KCNJ6: variants seen among roughly 807,000 people sequenced by gnomAD.
KCNJ6 encodes G protein-activated inward rectifier potassium channel 2.
In KCNJ6, 9 loss-of-function variants were observed where a neutral mutation model predicts 34.2. The observed-to-expected ratio is 0.26, with a 90% CI of 0.16 to 0.46. The LOEUF is 0.46. Among genes scored for constraint, KCNJ6 ranks in the 20% least tolerant of loss-of-function variants. The pLI, the probability that KCNJ6 is intolerant of heterozygous loss-of-function variation, is 1.00. For synonymous variants in KCNJ6, 196 were observed against 207.1 expected, an observed-to-expected ratio of 0.95 and a Z score of 0.46; for missense variants, 236 against 531.3, an observed-to-expected ratio of 0.44 and a Z score of 5.46.
At chr21:37,800,366 T>A (rs2055263295) in intron 2 of KCNJ6, among the ~76,000 whole-genome samples, 1 of 152,134 alleles carries the variant, frequency 6.6e-6, no homozygotes. Context: ...TGCTGGACAA[T>A]GAAAATGTCC....
At chr21:37,811,929 G>C (rs2055324752) in intron 2 of KCNJ6, among the ~76,000 whole-genome samples, 1 of 152,132 alleles carries the variant, frequency 6.6e-6, no homozygotes, top group Non-Finnish European at 1.5e-5. Context: ...AAAACATTTG[G>C]CAAACATAAA....
In KCNJ6 at chr21:37,914,008, G is replaced by GGGGTGT. The variant is rs760597650; in HGVS notation, c.-28+1875_-28+1876insACACCC. Among the ~76,000 whole-genome samples, 385 of 135,582 alleles carry GGGGTGT rather than the reference G, an allele frequency of 2.8e-3. 3 individuals are homozygous for GGGGTGT. The highest frequency in any genetic ancestry group is 0.022 in the East Asian group (90 of 4,116). The allele number at this position is 135,582 out of a possible 152,430, so 88.9% of individuals were successfully genotyped here. A position where few individuals can be genotyped will look rare whatever the true frequency, so the allele number is the denominator to read the frequency against. On this transcript the variant is annotated intron_variant, in intron 1 of 3. Transcript: ENST00000609713. ...GCAACCCTCGTCAGAGGCGGATCGG[G>GGGGTGT]GTGTGTGTGTGTGTGTGTGTGTGTG...
intron 1 of KCNJ6, among the ~76,000 whole-genome samples, chr21:37,893,241 G>T (rs1328436737): frequency 6.7e-6 from 1 of 149,790 alleles, no homozygotes; most frequent in Non-Finnish European, 1.5e-5. Flanking sequence ...GGAGTCTCAC[G>T]CCATCTCCCA....
intron 3 of KCNJ6, among the ~76,000 whole-genome samples, chr21:37,688,110 C>A (rs907819192): frequency 6.7e-6 from 1 of 149,848 alleles, no homozygotes; most frequent in Non-Finnish European, 1.5e-5. Flanking sequence ...AAGAGCTTGG[C>A]AGACAGGTGT....
chr21:37,798,878 A>C (rs1184611483), intron 2 of KCNJ6, among the ~76,000 whole-genome samples: 1 of 152,164 alleles, frequency 6.6e-6, no homozygotes, highest in Non-Finnish European at 1.5e-5. Flanking sequence ...GAATTGTACA[A>C]TTTAAATGGG....
chr21:37,867,241 T>A (rs527999911), intron 1 of KCNJ6, among the ~76,000 whole-genome samples: 5 of 152,328 alleles, frequency 3.3e-5, no homozygotes, highest in Non-Finnish European at 5.9e-5. Flanking sequence ...TATTTAAAAA[T>A]CATCCTTTAA....
intron 2 of KCNJ6, among the ~76,000 whole-genome samples, chr21:37,831,543 G>C: frequency 7.3e-6 from 1 of 136,834 alleles, no homozygotes; most frequent in East Asian, 2.7e-4. Flanking sequence ...GAGCAGACAG[G>C]GGTGGTGAAG....
At chr21:37,844,388 C>T (rs754918913) in intron 1 of KCNJ6, among the ~76,000 whole-genome samples, 3 of 152,044 alleles carry the variant, frequency 2.0e-5, no homozygotes, top group South Asian at 2.1e-4. Flanking sequence ...GGTCTTCCCT[C>T]GCTGCACTCT....
At chr21:37,897,204 C>T (rs985922423) in intron 1 of KCNJ6, among the ~76,000 whole-genome samples, 3 of 152,204 alleles carry the variant, frequency 2.0e-5, no homozygotes, top group Non-Finnish European at 4.4e-5. Context: ...AAAGAAGTCC[C>T]CTCTCCTATT....
intron 2 of KCNJ6, among the ~76,000 whole-genome samples, chr21:37,722,030 T>C (rs777993055): frequency 6.6e-6 from 1 of 152,170 alleles, no homozygotes; most frequent in Non-Finnish European, 1.5e-5. Flanking sequence ...GATAATATGA[T>C]TCTATACCTA....
intron 2 of KCNJ6, among the ~76,000 whole-genome samples, chr21:37,769,525 A>C (rs2835949): frequency 0.086 from 12,996 of 151,670 alleles, 629 homozygotes; most frequent in African/African-American, 0.13. Context: ...CTCTGGATGC[A>C]ACGGCTGCTA....
intron 1 of KCNJ6, among the ~76,000 whole-genome samples, chr21:37,909,741 A>C (rs1209268641): frequency 2.0e-5 from 3 of 152,054 alleles, no homozygotes; most frequent in African/African-American, 7.2e-5. Flanking sequence ...TGTTATTATT[A>C]CTCTTATTGT....
rs563621358 is a variant in KCNJ6, at chr21:37,611,394, C to G, written c.*13765G>C. The G allele has an allele frequency of 4.4e-4, 67 of 152,302 alleles. 1 individual carries two copies. The highest frequency in any genetic ancestry group is 1.6e-3 in the African/African-American group (66 of 41,570). 9.4% of individuals were successfully genotyped at this position (152,302 alleles called of 1,614,324 possible). ...AAAGCACTTGGCCCAGATGGGTTCA[C>G]TGGTGAATTCTACCAAAGACTTAAG... On this transcript the variant is annotated 3_prime_UTR_variant, in exon 4 of 4. Transcript: ENST00000609713.
At chr21:37,783,420 A>C (rs2055178908) in intron 2 of KCNJ6, among the ~76,000 whole-genome samples, 1 of 152,174 alleles carries the variant, frequency 6.6e-6, no homozygotes, top group Non-Finnish European at 1.5e-5. Flanking sequence ...TGATGGTTTT[A>C]TCAGGGGCTT....
At position 37,773,134 on chromosome 21, in the gene KCNJ6, G is replaced by C. The variant is rs550847740; in HGVS notation, c.26-58003C>G. 5.9e-5 allele frequency among the ~76,000 whole-genome samples: 9 copies of C among 152,302 alleles called. No individual in the cohort carries two copies. In the East Asian group the frequency reaches 1.4e-3, roughly 23 times the overall value. ...TACAGTAGGTGCTAAATAACTGTTT[G>C]TGGATGATGATCCTTTTCCACTGTT... On this transcript the variant is annotated intron_variant, in intron 2 of 3. Coordinates refer to ENST00000609713, the MANE Select transcript of KCNJ6 (RefSeq NM_002240.5).
intron 1 of KCNJ6, among the ~76,000 whole-genome samples, chr21:37,849,213 C>T (rs2055525470): frequency 6.6e-6 from 1 of 152,168 alleles, no homozygotes; most frequent in Non-Finnish European, 1.5e-5. Flanking sequence ...GGTTTGGTCC[C>T]TAGCTTCCCA....
chr21:37,694,337 C>T (rs2835896), intron 3 of KCNJ6, among the ~76,000 whole-genome samples: 47,169 of 152,086 alleles, frequency 0.31, 7,582 homozygotes, highest in Middle Eastern at 0.36. Flanking sequence ...GTTCTTTTAG[C>T]GAGGACAAGC....
rs572844133 is a variant in KCNJ6, at chr21:37,786,345, A to G, written c.25+54313T>C. 2.6e-5 allele frequency among the ~76,000 whole-genome samples: 4 copies of G among 152,304 alleles called. No homozygotes were observed. In the East Asian group the frequency reaches 5.8e-4, roughly 22 times the overall value. On this transcript the variant is annotated intron_variant, in intron 2 of 3. Transcript: ENST00000609713. ...ACCAAGTGACAGAGGTTGGCACTTG[A>G]ACCCCATGTGCTTCTTCCTGTTGGG...
In KCNJ6 at chr21:37,695,714, G is replaced by A. The variant is rs1215007806; in HGVS notation, c.946+18497C>T. Among the ~76,000 whole-genome samples the A allele has an allele frequency of 2.0e-5, 3 of 152,160 alleles. No individual in the cohort carries two copies. The highest frequency in any genetic ancestry group is 7.2e-5 in the African/African-American group (3 of 41,422). On this transcript the variant is annotated intron_variant, in intron 3 of 3. Coordinates refer to ENST00000609713, the MANE Select transcript of KCNJ6 (RefSeq NM_002240.5). The surrounding 1 kb of genome is among the most constrained non-coding windows in gnomAD (Gnocchi z 4.2). Reference sequence around the variant, plus strand: ...AGCTGGGCTAGAACCGACCTCTTTTGTAAATGGAGGGACCTGGTATGAATA... The same window carrying A: ...AGCTGGGCTAGAACCGACCTCTTTTATAAATGGAGGGACCTGGTATGAATA...
Sources: gnomAD v4.1 joint callset for allele counts (sites outside exome capture counted in the v4.1 genomes callset) on GRCh38, gnomAD v4.1.1 for gene constraint, Gnocchi (gnomAD v3.1) non-coding constraint, MANE v1.5 for transcripts, NCBI Gene and HGNC (gene_info 2026-07-23, HGNC 2026-07-21) for gene names.